The following LRBA variants were observed in gnomAD, a reference collection of about 807,000 sequenced individuals.
LRBA encodes LPS responsive beige-like anchor protein.
A neutral mutation model predicts 330.0 loss-of-function variants in LRBA; 176 were observed. The observed-to-expected ratio is 0.53, with a 90% CI of 0.47 to 0.60. The LOEUF (loss-of-function observed/expected upper bound fraction) is 0.60. Among genes scored for constraint, LRBA ranks in the 20% least tolerant of loss-of-function variants. LRBA has a pLI of 0.00. For synonymous variants in LRBA, 1,230 were observed against 1,193.0 expected, an observed-to-expected ratio of 1.03 and a Z score of -0.64; for missense variants, 3,259 against 3,444.8, an observed-to-expected ratio of 0.95 and a Z score of 1.35.
intron 49 of LRBA, among the ~76,000 whole-genome samples, chr4:150,324,157 G>C (rs899289387): frequency 1.3e-5 from 2 of 152,158 alleles, no homozygotes; most frequent in Non-Finnish European, 2.9e-5. Flanking sequence ...TGCTCTGCCT[G>C]TATGAGCCAA....
chr4:150,292,178 GAA>G (rs1418850017), intron 53 of LRBA, among the ~76,000 whole-genome samples: 1 of 152,122 alleles, frequency 6.6e-6, no homozygotes, highest in African/African-American at 2.4e-5. Context: ...TGAAAGAAGA[GAA>G]AAGAGGAATT....
intron 36 of LRBA, among the ~76,000 whole-genome samples, chr4:150,704,429 T>C (rs1232995575): frequency 6.6e-6 from 1 of 151,918 alleles, no homozygotes; most frequent in Admixed American, 6.6e-5. Flanking sequence ...TACAGTATTC[T>C]CCAGCTCAAA....
intron 17 of LRBA, among the ~76,000 whole-genome samples, chr4:150,886,710 T>G (rs549883043): frequency 1.3e-5 from 2 of 152,276 alleles, no homozygotes; most frequent in East Asian, 3.9e-4. Context: ...GTTGTCTATT[T>G]GCTAAACAAC....
In LRBA at chr4:150,828,223, C is replaced by T. The variant is rs772563770; in HGVS notation, c.5128G>A (p.Asp1710Asn). The T allele has an allele frequency of 9.3e-6, 15 of 1,614,074 alleles. No homozygotes were observed. Among genetic ancestry groups the T allele is most frequent in the Non-Finnish European group, 1.3e-5 (15 of 1,179,972 alleles). The change falls in exon 30 of 57, where the codon GAT becomes AAT. Residue 1710 changes from aspartate (D) to asparagine (N), a missense_variant. Physicochemically the swap from Asp to Asn is conservative, Grantham distance 23. Transcript: ENST00000651943. ...LPPACLGALG[D>N]LSVEQPVQFR... ...TGCACGGGTTGTTCCACAGATAGAT[C>T]ACCAAGGGCTCCAAGGCAGGCTGGT...
intron 34 of LRBA, among the ~76,000 whole-genome samples, chr4:150,791,747 G>A (rs1578795199): frequency 6.6e-6 from 1 of 152,096 alleles, no homozygotes; most frequent in African/African-American, 2.4e-5. Flanking sequence ...AAGAAGGCTT[G>A]GCCGGGCGCG....
chr4:150,869,400 T>G (rs968417154), intron 20 of LRBA, among the ~76,000 whole-genome samples: 8 of 152,120 alleles, frequency 5.3e-5, no homozygotes, highest in Non-Finnish European at 7.4e-5. Context: ...GAATTTAGCT[T>G]AAATTAGGCC....
At chr4:150,778,196 T>A (rs2126575067) in intron 34 of LRBA, among the ~76,000 whole-genome samples, 1 of 152,260 alleles carries the variant, frequency 6.6e-6, no homozygotes, top group Admixed American at 6.5e-5. Flanking sequence ...GTGTCTTTAA[T>A]CACTCTGTGA....
chr4:150,805,592 AAAGGAAAG>A (rs1560842867), intron 33 of LRBA, among the ~76,000 whole-genome samples: 17 of 135,916 alleles, frequency 1.3e-4, no homozygotes, highest in Non-Finnish European at 2.2e-4. Context: ...AAAGGAAAGG[AAAGGAAAG>A]GAAAAGAAAG....
rs1554070644 is a variant in LRBA, at chr4:150,639,745, A to ATATATATATGTGTGTATG, written c.5922-40615_5922-40614insCATACACACATATATATA. Among the ~76,000 whole-genome samples, 9 of 1,464 alleles carry ATATATATATGTGTGTATG rather than the reference A, an allele frequency of 6.1e-3. 3 individuals are homozygous for ATATATATATGTGTGTATG. The highest frequency in any genetic ancestry group is 8.2e-3 in the Admixed American group (1 of 122). The allele number at this position is 1,464 out of a possible 152,430, so 1.0% of individuals were successfully genotyped here. ...CTGAGCCTATGCCCCAAATATATAT[A>ATATATATATGTGTGTATG]TATATATATATATATATATATATAT... On this transcript the variant is annotated intron_variant, in intron 37 of 56. Coordinates refer to ENST00000651943, the MANE Select transcript of LRBA (RefSeq NM_001364905.1).
At position 150,333,298 on chromosome 4, in the gene LRBA, T is replaced by C. The variant is rs572019559; in HGVS notation, c.7363-7400A>G. Among the ~76,000 whole-genome samples, 8 of 152,188 alleles carry C rather than the reference T, an allele frequency of 5.3e-5. No individual in the cohort carries two copies. In the South Asian group the frequency reaches 1.2e-3, roughly 24 times the overall value. On this transcript the variant is annotated intron_variant, in intron 48 of 56. Transcript: ENST00000651943. ...AACATATGGACACAATTAATATATATGCCCTTTTTTTTAAGCACACAACTC... is the reference window on the plus strand; with the variant it reads ...AACATATGGACACAATTAATATATACGCCCTTTTTTTTAAGCACACAACTC...
chr4:150,552,649 A>G (rs1409889806), intron 40 of LRBA, among the ~76,000 whole-genome samples: 1 of 152,182 alleles, frequency 6.6e-6, no homozygotes, highest in Non-Finnish European at 1.5e-5. Flanking sequence ...ATTACTGGGT[A>G]TATAACCAAA....
intron 40 of LRBA, among the ~76,000 whole-genome samples, chr4:150,516,169 A>AT (rs1473119444): frequency 7.5e-6 from 1 of 133,608 alleles, no homozygotes; most frequent in Admixed American, 7.6e-5. Context: ...ACAAATATAT[A>AT]TTTTTTTAAA....
intron 53 of LRBA, among the ~76,000 whole-genome samples, chr4:150,290,884 C>T (rs1180981667): frequency 6.6e-6 from 1 of 152,090 alleles, no homozygotes; most frequent in Non-Finnish European, 1.5e-5. Flanking sequence ...ACTATAACAA[C>T]CTAACTTGCA....
chr4:150,685,323 T>C (rs1465982653), intron 36 of LRBA, among the ~76,000 whole-genome samples: 1 of 139,226 alleles, frequency 7.2e-6, no homozygotes, highest in Non-Finnish European at 1.5e-5. Context: ...TTGGTTTTTT[T>C]TGTTCCTTAC....
At chr4:150,485,249 T>C (rs115025415) in intron 42 of LRBA, among the ~76,000 whole-genome samples, 1 of 151,962 alleles carries the variant, frequency 6.6e-6, no homozygotes, top group African/African-American at 2.4e-5. Flanking sequence ...TCCACTTCTA[T>C]CCACTTTTGT....
At chr4:150,697,325 G>GAAAAAAAAAAAAAAAAAAAAAAAAA (rs60145657) in intron 36 of LRBA, among the ~76,000 whole-genome samples, 3 of 28,054 alleles carry the variant, frequency 1.1e-4, no homozygotes, top group African/African-American at 3.9e-4. Context: ...CTTTGTCTCA[G>GAAAAAAAAAAAAAAAAAAAAAAAAA]AAAAAAAAAA....
chr4:150,579,813 A>C (rs1371032135), intron 40 of LRBA: 5 of 441,718 alleles, frequency 1.1e-5, no homozygotes, highest in East Asian at 7.1e-5. Flanking sequence ...GCTGTTTGCA[A>C]ACACTCACTC....
intron 40 of LRBA, among the ~76,000 whole-genome samples, chr4:150,563,315 CA>C (rs973325897): frequency 3.3e-5 from 5 of 152,122 alleles, no homozygotes; most frequent in East Asian, 3.8e-4. Context: ...ATGATTATCT[CA>C]ATAGATGAAG....
chr4:150,346,914 A>T (rs114441640), intron 48 of LRBA, among the ~76,000 whole-genome samples: 1 of 152,274 alleles, frequency 6.6e-6, no homozygotes, highest in African/African-American at 2.4e-5. Context: ...GTGTACATCC[A>T]TACTCTTGGC....
Sources: gnomAD v4.1 joint callset for allele counts (sites outside exome capture counted in the v4.1 genomes callset) on GRCh38, gnomAD v4.1.1 for gene constraint, MANE v1.5 for transcripts, NCBI Gene and HGNC (gene_info 2026-07-23, HGNC 2026-07-21) for gene names.